Variants in KPNA6 observed in about 807,000 individuals in gnomAD.
KPNA6 encodes karyopherin subunit alpha 6, also known as importin subunit alpha-7.
A neutral mutation model predicts 72.0 loss-of-function variants in KPNA6; 9 were observed. The ratio of observed to expected loss-of-function variants is 0.13; its 90% CI spans 0.08 to 0.22. The LOEUF is 0.22. Among genes scored for constraint, KPNA6 ranks in the 10% least tolerant of loss-of-function variants. The pLI is 1.00. For synonymous variants in KPNA6, 219 were observed against 242.1 expected (o/e 0.90, Z 0.89); for missense variants, 374 against 655.7 (o/e 0.57, Z 4.69).
chr1:32,167,758 A>G (rs997022889), intron 12 of KPNA6, among the ~76,000 whole-genome samples: 6 of 151,056 alleles, frequency 4.0e-5, no homozygotes, highest in Admixed American at 1.3e-4. Context: ...CCCAGCTGAG[A>G]TGGGAGGATG....
intron 1 of KPNA6, among the ~76,000 whole-genome samples, chr1:32,131,728 T>C (rs1193831913): frequency 1.3e-5 from 2 of 150,150 alleles, no homozygotes; most frequent in Non-Finnish European, 3.0e-5. Flanking sequence ...ACTTAAAATT[T>C]AAAACTTTTG....
chr1:32,126,525 C>G (rs1641538771), intron 1 of KPNA6, among the ~76,000 whole-genome samples: 1 of 152,060 alleles, frequency 6.6e-6, no homozygotes, highest in South Asian at 2.1e-4. Flanking sequence ...GCTGGGATTA[C>G]AGGCGCCTGC....
chr1:32,170,677 C>T (rs755761284), intron 13 of KPNA6, 30 bp from the exon 14 acceptor site: 17 of 1,595,034 alleles, frequency 1.1e-5, no homozygotes, highest in Non-Finnish European at 1.4e-5. Context: ...AGCACTCACA[C>T]TTCCCTCTCC....
At chr1:32,111,077 T>A (rs1378568120) in intron 1 of KPNA6, among the ~76,000 whole-genome samples, 1 of 152,098 alleles carries the variant, frequency 6.6e-6, no homozygotes, top group Non-Finnish European at 1.5e-5. Context: ...CATCTTTCAG[T>A]GAAAAAAATT....
At chr1:32,125,013 T>A (rs1641508406) in intron 1 of KPNA6, among the ~76,000 whole-genome samples, 1 of 151,224 alleles carries the variant, frequency 6.6e-6, no homozygotes, top group East Asian at 2.0e-4. Flanking sequence ...CCCAGCTAAT[T>A]TTTTGTATTT....
intron 1 of KPNA6, among the ~76,000 whole-genome samples, chr1:32,150,912 A>G (rs1253063817): frequency 6.6e-6 from 1 of 151,974 alleles, no homozygotes; most frequent in African/African-American, 2.4e-5. Flanking sequence ...GCCGTGAGCC[A>G]CCACGCCCCG....
At chr1:32,120,200 C>T (rs916456632) in intron 1 of KPNA6, among the ~76,000 whole-genome samples, 2 of 151,560 alleles carry the variant, frequency 1.3e-5, no homozygotes, top group Non-Finnish European at 2.9e-5. Context: ...TGAAATATTA[C>T]GTAGTCTCTG....
intron 1 of KPNA6, among the ~76,000 whole-genome samples, chr1:32,119,308 G>A (rs112409950): frequency 5.9e-5 from 9 of 151,966 alleles, no homozygotes; most frequent in African/African-American, 2.2e-4. Context: ...TGGGATTACA[G>A]GCTTGAGCCA....
In KPNA6 at chr1:32,173,654, A is replaced by G. The variant is rs1333896565; in HGVS notation, c.*2760A>G. 2 of 152,232 alleles carry G rather than the reference A, an allele frequency of 1.3e-5. No individual in the cohort carries two copies. Among genetic ancestry groups the G allele is most frequent in the African/African-American group, 2.4e-5 (1 of 41,440 alleles). The allele number at this position is 152,232 out of a possible 1,614,324, so 9.4% of individuals were successfully genotyped here. A position where few individuals can be genotyped will look rare whatever the true frequency, so the allele number is the denominator to read the frequency against. ...TCTCCTCCTCTCCTTTGGCCATGTA[A>G]TGAAGCAAAATATTATTTATTTAGC... On this transcript the variant is annotated 3_prime_UTR_variant, in exon 14 of 14. Coordinates refer to ENST00000373625, the MANE Select transcript of KPNA6 (RefSeq NM_012316.5).
intron 4 of KPNA6, among the ~76,000 whole-genome samples, chr1:32,157,917 A>G (rs1310990145): frequency 6.6e-6 from 1 of 152,202 alleles, no homozygotes; most frequent in Non-Finnish European, 1.5e-5. Context: ...GTTTCAGTAT[A>G]TCAAATAGTC....
At chr1:32,153,983 CTAAAAATA>C (rs1352478152) in intron 1 of KPNA6, among the ~76,000 whole-genome samples, 5 of 152,086 alleles carry the variant, frequency 3.3e-5, no homozygotes, top group Non-Finnish European at 7.3e-5. Flanking sequence ...CCCGTCTCTA[CTAAAAATA>C]TAAAAATTAA....
In KPNA6 at chr1:32,174,762, C is replaced by T. The variant is rs140581668; in HGVS notation, c.*3868C>T. ...TGGGGCATTAGGAATGTTTGTACCT[C>T]TCTGCTTCCCTGGCAGCCTGGGGAA... On this transcript the variant is annotated 3_prime_UTR_variant, in exon 14 of 14. Coordinates refer to ENST00000373625, the MANE Select transcript of KPNA6 (RefSeq NM_012316.5). 1.5e-3 allele frequency: 222 copies of T among 152,348 alleles called. No homozygotes were observed. Among genetic ancestry groups the T allele is most frequent in the African/African-American group, 5.1e-3 (212 of 41,582 alleles). The allele number at this position is 152,348 out of a possible 1,614,324, so 9.4% of individuals were successfully genotyped here. A position where few individuals can be genotyped will look rare whatever the true frequency, so the allele number is the denominator to read the frequency against.
At chr1:32,169,395 ACT>A (rs1642395059) in intron 12 of KPNA6, among the ~76,000 whole-genome samples, 1 of 149,278 alleles carries the variant, frequency 6.7e-6, no homozygotes, top group Non-Finnish European at 1.5e-5. Flanking sequence ...GTTGGGGAAC[ACT>A]CTCATTCTCT....
rs770468023 is a variant in KPNA6 at position 32,167,150 on chromosome 1, C to T, written c.1117-19C>T. Reference sequence around the variant, plus strand: ...AATGACTTTCTCCTTCCATCTGCCTCCTCTCAATTCTCTCTCAGGCTGTTA... The same window carrying T: ...AATGACTTTCTCCTTCCATCTGCCTTCTCTCAATTCTCTCTCAGGCTGTTA... On this transcript the variant is annotated intron_variant, in intron 11 of 13. Transcript: ENST00000373625. 10 of 1,611,250 alleles carry T rather than the reference C, an allele frequency of 6.2e-6. No individual in the cohort carries two copies. Among genetic ancestry groups the T allele is most frequent in the Non-Finnish European group, 8.5e-6 (10 of 1,177,828 alleles).
intron 1 of KPNA6, among the ~76,000 whole-genome samples, chr1:32,125,582 C>T (rs754607763): frequency 6.6e-6 from 1 of 152,218 alleles, no homozygotes; most frequent in Non-Finnish European, 1.5e-5. Context: ...CAGTCCTGCT[C>T]ATGTAATAGT....
chr1:32,128,440 C>CACACAT (rs1553127148), intron 1 of KPNA6, among the ~76,000 whole-genome samples: 8 of 122,894 alleles, frequency 6.5e-5, no homozygotes, highest in African/African-American at 2.1e-4. Flanking sequence ...CACACACACA[C>CACACAT]ATATATATAT....
intron 5 of KPNA6, among the ~76,000 whole-genome samples, chr1:32,159,155 A>G (rs1355071993): frequency 1.3e-5 from 2 of 152,178 alleles, no homozygotes; most frequent in Non-Finnish European, 2.9e-5. Flanking sequence ...CTGGAAGCCC[A>G]ATGTCTTATT....
At chr1:32,132,218 G>A (rs1193693971) in intron 1 of KPNA6, among the ~76,000 whole-genome samples, 2 of 152,110 alleles carry the variant, frequency 1.3e-5, no homozygotes, top group Non-Finnish European at 2.9e-5. Context: ...TGATCTGCCC[G>A]CCTTGGCTCC....
Position 32,166,160 on chromosome 1 carries a change from A to G in KPNA6, c.1046A>G (p.Lys349Arg), listed in dbSNP as rs1349577686. 5 of 1,614,052 alleles carry G rather than the reference A, an allele frequency of 3.1e-6. No homozygotes were observed. Among genetic ancestry groups the G allele is most frequent in the African/African-American group, 2.7e-5 (2 of 74,924 alleles). ...CTTCTCCACTTGTTGAGCAGTCCCA[A>G]GGAGTCAATCCGGAAGGAAGCTTGC... is the stretch of plus-strand genomic sequence containing the variant. ...PCLLHLLSSP[K>R]ESIRKEACWT... Residue 349 changes from lysine to arginine, a missense_variant, in exon 11 of 14, where the codon AAG (lysine) becomes AGG (arginine). Lys to Arg is a conservative substitution (Grantham distance 26, BLOSUM62 2). Coordinates refer to ENST00000373625, the MANE Select transcript of KPNA6 (RefSeq NM_012316.5).
Sources: gnomAD v4.1 joint callset for allele counts (sites outside exome capture counted in the v4.1 genomes callset) on GRCh38, gnomAD v4.1.1 for gene constraint, MANE v1.5 for transcripts, NCBI Gene and HGNC (gene_info 2026-07-23, HGNC 2026-07-21) for gene names.